HS3ST3A1: variants seen among roughly 807,000 people sequenced by gnomAD.
The protein encoded by HS3ST3A1 is heparan sulfate-glucosamine 3-sulfotransferase 3A1.
A neutral mutation model predicts 25.7 loss-of-function variants in HS3ST3A1; 19 were observed. The observed-to-expected ratio is 0.74, with a 90% CI of 0.52 to 1.08. The LOEUF (loss-of-function observed/expected upper bound fraction) is 1.08. HS3ST3A1 is among the 50% of genes least tolerant of loss of function. The pLI is 0.00. For synonymous variants in HS3ST3A1, 226 were observed against 278.6 expected (o/e 0.81, Z 1.88); for missense variants, 459 against 594.3 (o/e 0.77, Z 2.37).
intron 1 of HS3ST3A1, among the ~76,000 whole-genome samples, chr17:13,513,483 A>G (rs1396973568): frequency 6.6e-6 from 1 of 152,214 alleles, no homozygotes; most frequent in Non-Finnish European, 1.5e-5. Context: ...ACAAAATTCT[A>G]GAAAGTAAAA....
chr17:13,591,336 C>A (rs1012965442), intron 1 of HS3ST3A1, among the ~76,000 whole-genome samples: 1 of 152,024 alleles, frequency 6.6e-6, no homozygotes, highest in Non-Finnish European at 1.5e-5. Context: ...CATGAGCCAC[C>A]GCACCCAGCT....
intron 1 of HS3ST3A1, among the ~76,000 whole-genome samples, chr17:13,526,264 G>A (rs1906413493): frequency 6.6e-6 from 1 of 151,840 alleles, no homozygotes; most frequent in African/African-American, 2.4e-5. Context: ...CCCAGTTGCT[G>A]TCGCCTCAAT....
chr17:13,549,435 T>A (rs1354835052), intron 1 of HS3ST3A1, among the ~76,000 whole-genome samples: 1 of 152,248 alleles, frequency 6.6e-6, no homozygotes, highest in African/African-American at 2.4e-5. Flanking sequence ...CAATGTCATC[T>A]ACCCACAAAG....
intron 1 of HS3ST3A1, among the ~76,000 whole-genome samples, chr17:13,565,791 T>C (rs1907662228): frequency 6.6e-6 from 1 of 152,212 alleles, no homozygotes; most frequent in African/African-American, 2.4e-5. Flanking sequence ...TTTAGTAGTT[T>C]CAGTAAAGGT....
At chr17:13,572,131 A>G (rs543153312) in intron 1 of HS3ST3A1, among the ~76,000 whole-genome samples, 1 of 152,098 alleles carries the variant, frequency 6.6e-6, no homozygotes, top group South Asian at 2.1e-4. Context: ...TGCTGGATAG[A>G]TTTATTTTTT....
intron 1 of HS3ST3A1, chr17:13,556,070 T>A (rs1907363624): frequency 6.6e-6 from 1 of 152,214 alleles, no homozygotes; most frequent in South Asian, 2.1e-4. Flanking sequence ...GGCATCCACA[T>A]TCAGCTTTGA....
chr17:13,528,368 AG>A, intron 1 of HS3ST3A1, among the ~76,000 whole-genome samples: 1 of 152,230 alleles, frequency 6.6e-6, no homozygotes, highest in Non-Finnish European at 1.5e-5. Context: ...GGCAGCCGAC[AG>A]GTTTCAGCTG....
chr17:13,565,112 A>C (rs1369282125), intron 1 of HS3ST3A1, among the ~76,000 whole-genome samples: 1 of 150,660 alleles, frequency 6.6e-6, no homozygotes, highest in Admixed American at 6.7e-5. Flanking sequence ...GGAGTAGTCA[A>C]GTTTATTTTA....
intron 1 of HS3ST3A1, among the ~76,000 whole-genome samples, chr17:13,550,707 A>AAACAACAACAAC (rs150129442): frequency 4.7e-4 from 71 of 151,382 alleles, no homozygotes; most frequent in African/African-American, 1.6e-3. Flanking sequence ...GCAAACACCA[A>AAACAACAACAAC]AACAACAACA....
intron 1 of HS3ST3A1, among the ~76,000 whole-genome samples, chr17:13,576,523 C>A (rs781070157): frequency 2.6e-5 from 4 of 152,212 alleles, no homozygotes; most frequent in African/African-American, 4.8e-5. Context: ...CTCATCACTT[C>A]TCTTATATTC....
At chr17:13,498,681 C>T (rs1206787899) in intron 1 of HS3ST3A1, among the ~76,000 whole-genome samples, 1 of 152,232 alleles carries the variant, frequency 6.6e-6, no homozygotes, top group Non-Finnish European at 1.5e-5. Context: ...CTTCCCCAAA[C>T]TGGGTCTATT....
At chr17:13,595,879 T>G (rs1008135392) in intron 1 of HS3ST3A1, among the ~76,000 whole-genome samples, 1 of 151,826 alleles carries the variant, frequency 6.6e-6, no homozygotes, top group African/African-American at 2.4e-5. Context: ...TTGTTGTTGA[T>G]ATCAGAGAGT....
intron 1 of HS3ST3A1, among the ~76,000 whole-genome samples, chr17:13,522,698 A>G (rs2142320588): frequency 6.6e-6 from 1 of 152,292 alleles, no homozygotes; most frequent in African/African-American, 2.4e-5. Context: ...TAGACAAGAA[A>G]ATGGCATTTG....
At chr17:13,594,761 C>A (rs945083492) in intron 1 of HS3ST3A1, among the ~76,000 whole-genome samples, 3 of 151,432 alleles carry the variant, frequency 2.0e-5, no homozygotes, top group African/African-American at 7.3e-5. Context: ...AGTGAATTAT[C>A]CTTGCTTGAA....
intron 1 of HS3ST3A1, among the ~76,000 whole-genome samples, chr17:13,584,482 G>A (rs1883482843): frequency 6.9e-6 from 1 of 145,672 alleles, no homozygotes; most frequent in African/African-American, 2.5e-5. Flanking sequence ...AGGGAGAGAC[G>A]GAGGGAGGGA....
In HS3ST3A1 at chr17:13,495,353, T is replaced by C. The variant is rs533845345; in HGVS notation, c.*844A>G. On this transcript the variant is annotated 3_prime_UTR_variant, in exon 2 of 2. Transcript: ENST00000284110. ...AGGCAAGACTGGCTCTTAAGAGAGGTTGTGTCCAGGTCTCAGTGGTTTTCT... is the reference window on the plus strand; with the variant it reads ...AGGCAAGACTGGCTCTTAAGAGAGGCTGTGTCCAGGTCTCAGTGGTTTTCT... Among the ~76,000 whole-genome samples the C allele has an allele frequency of 6.6e-5, 10 of 150,920 alleles. No homozygotes were observed. Among genetic ancestry groups the C allele is most frequent in the Admixed American group, 6.6e-4 (10 of 15,130 alleles).
chr17:13,499,318 G>A (rs1233456645), intron 1 of HS3ST3A1, among the ~76,000 whole-genome samples: 1 of 152,202 alleles, frequency 6.6e-6, no homozygotes, highest in Non-Finnish European at 1.5e-5. Flanking sequence ...CTTGTCTAAG[G>A]TGAGCCAGGA....
intron 1 of HS3ST3A1, among the ~76,000 whole-genome samples, chr17:13,547,664 A>G (rs895618383): frequency 2.6e-5 from 4 of 152,198 alleles, no homozygotes; most frequent in South Asian, 2.1e-4. Context: ...TAAACTGGTT[A>G]TAATAAGTAC....
At chr17:13,517,243 T>C (rs1282220427) in intron 1 of HS3ST3A1, among the ~76,000 whole-genome samples, 1 of 152,236 alleles carries the variant, frequency 6.6e-6, no homozygotes, top group Non-Finnish European at 1.5e-5. Flanking sequence ...TATTAATAAA[T>C]GGCTAACATT....
Sources: allele counts gnomAD v4.1 joint callset (sites outside exome capture counted in the v4.1 genomes callset), GRCh38; gene constraint gnomAD v4.1.1; transcripts MANE v1.5; gene names NCBI Gene and HGNC (gene_info 2026-07-23, HGNC 2026-07-21).